UBE4B: variants seen among roughly 807,000 people sequenced by gnomAD.
UBE4B encodes ubiquitination factor E4B.
In UBE4B, 27 loss-of-function variants were observed where a neutral mutation model predicts 148.1. That is an observed-to-expected ratio of 0.18 (90% CI 0.13 to 0.25). The LOEUF (loss-of-function observed/expected upper bound fraction) is 0.25, where lower values mean the gene tolerates loss of function less well. Among genes scored for constraint, UBE4B ranks in the 10% least tolerant of loss-of-function variants. The pLI, the probability that UBE4B is intolerant of heterozygous loss-of-function variation, is 1.00. For missense variants in UBE4B, 1,170 were observed against 1,662.4 expected (o/e 0.70, Z 5.15); for synonymous variants, 596 against 619.3 (o/e 0.96, Z 0.56).
At chr1:10,086,412 T>C (rs1415426335) in intron 2 of UBE4B, among the ~76,000 whole-genome samples, 1 of 152,080 alleles carries the variant, frequency 6.6e-6, no homozygotes, top group African/African-American at 2.4e-5. Context: ...AATGTATTCT[T>C]AGTTATCAGG....
In UBE4B at chr1:10,130,530, T is replaced by C; in HGVS notation, c.1726T>C (p.Ser576Pro). Residue 576 changes from serine to proline, a missense_variant, in exon 13 of 28, where the codon TCC becomes CCC. By Grantham distance (74) the Ser-to-Pro change is moderately conservative. Transcript: ENST00000343090. Reference protein sequence around the residue: ...VASLRLWLPKSLSPGCGRELQ... With the variant: ...VASLRLWLPKPLSPGCGRELQ... ...TTCTTTGCGGTTGTGGTTGCCGAAA[T>C]CCTTAAGTCCTGGCTGTGGGCGGGA... 6.2e-7 allele frequency: 1 copy of C among 1,614,188 alleles called. No individual in the cohort carries two copies. The highest frequency in any genetic ancestry group is 8.5e-7 in the Non-Finnish European group (1 of 1,180,032).
chr1:10,078,731 T>TC (rs1223638760), intron 2 of UBE4B, among the ~76,000 whole-genome samples: 4 of 152,184 alleles, frequency 2.6e-5, no homozygotes, highest in Admixed American at 1.3e-4. Context: ...CCCCAACAGA[T>TC]CCTTTATCAA....
At chr1:10,094,648 A>G (rs546967922) in intron 2 of UBE4B, among the ~76,000 whole-genome samples, 1 of 151,662 alleles carries the variant, frequency 6.6e-6, no homozygotes, top group Non-Finnish European at 1.5e-5. Context: ...GTTAGCCAGG[A>G]TGGTCTCAAT....
At chr1:10,046,115 G>A (rs896948057) in intron 1 of UBE4B, among the ~76,000 whole-genome samples, 2 of 152,124 alleles carry the variant, frequency 1.3e-5, no homozygotes, top group Non-Finnish European at 2.9e-5. Context: ...GGGAGGGGAG[G>A]TCATGTGCCT....
At chr1:10,101,083 G>A (rs900680116) in intron 3 of UBE4B, 25 bp from the exon 4 acceptor site, 2 of 1,605,692 alleles carry the variant, frequency 1.2e-6, no homozygotes, top group Admixed American at 3.3e-5. Flanking sequence ...AAGGTAAAAG[G>A]CTTGTTTGTC....
intron 2 of UBE4B, among the ~76,000 whole-genome samples, chr1:10,095,196 G>A (rs1318070426): frequency 6.6e-6 from 1 of 152,170 alleles, no homozygotes; most frequent in Non-Finnish European, 1.5e-5. Flanking sequence ...GTGCAAGAGA[G>A]GTGATGAGGG....
chr1:10,038,553 A>T (rs1424922423), intron 1 of UBE4B, among the ~76,000 whole-genome samples: 1 of 152,170 alleles, frequency 6.6e-6, no homozygotes, highest in Non-Finnish European at 1.5e-5. Flanking sequence ...CTTAGAAGTG[A>T]TGGGGTTGGA....
intron 18 of UBE4B, among the ~76,000 whole-genome samples, chr1:10,146,709 G>T (rs1024710830): frequency 5.3e-5 from 8 of 152,020 alleles, no homozygotes; most frequent in Admixed American, 3.3e-4. Flanking sequence ...ACTTGTGACT[G>T]TTGGAACTCA....
chr1:10,138,299 G>A (rs879886032), intron 17 of UBE4B, among the ~76,000 whole-genome samples: 14 of 151,732 alleles, frequency 9.2e-5, no homozygotes, highest in African/African-American at 2.4e-4. Flanking sequence ...GGGTTTCACC[G>A]TGTTAGCCAG....
Position 10,095,568 on chromosome 1 carries a change from G to A in UBE4B, c.319G>A (p.Asp107Asn), listed in dbSNP as rs1252567995. Reference sequence around the variant, plus strand: ...GTCTCTCTCACGTTCCCAGAGCATGGATATCGATGGTGTCTCATGTGAGAA... The same window carrying A: ...GTCTCTCTCACGTTCCCAGAGCATGAATATCGATGGTGTCTCATGTGAGAA... ...SQSLSRSQSMDIDGVSCEKSM... is the reference protein window; with the variant it reads ...SQSLSRSQSMNIDGVSCEKSM... Residue 107 changes from aspartate to asparagine, a missense_variant, in exon 3 of 28, where the codon GAT becomes AAT. By Grantham distance (23) the Asp-to-Asn change is conservative. Transcript: ENST00000343090. 2.5e-6 allele frequency: 4 copies of A among 1,613,952 alleles called. No individual in the cohort carries two copies. The highest frequency in any genetic ancestry group is 3.4e-6 in the Non-Finnish European group (4 of 1,180,016).
At chr1:10,118,659 C>T (rs1208593562) in intron 8 of UBE4B, among the ~76,000 whole-genome samples, 2 of 151,760 alleles carry the variant, frequency 1.3e-5, no homozygotes, top group African/African-American at 4.8e-5. Flanking sequence ...CATGAGCCAC[C>T]ATGCCCGGCT....
chr1:10,158,959 G>A (rs1012054214), intron 22 of UBE4B, among the ~76,000 whole-genome samples: 11 of 150,086 alleles, frequency 7.3e-5, no homozygotes, highest in Non-Finnish European at 1.6e-4. Context: ...GCAGTGAGCC[G>A]AGATTGTGCC....
At chr1:10,143,634 G>T (rs1447581074) in intron 17 of UBE4B, among the ~76,000 whole-genome samples, 1 of 152,118 alleles carries the variant, frequency 6.6e-6, no homozygotes, top group African/African-American at 2.4e-5. Flanking sequence ...AGGTTCCCTC[G>T]AAGGATTCGG....
chr1:10,161,999 CTT>C lies in UBE4B; in HGVS notation c.3198+728_3198+729del, dbSNP rs764089127. Among the ~76,000 whole-genome samples, 15 of 137,204 alleles carry C rather than the reference CTT, an allele frequency of 1.1e-4. No individual in the cohort carries two copies. The highest frequency in any genetic ancestry group is 2.9e-4 in the Admixed American group (4 of 13,644). 90.0% of individuals were successfully genotyped at this position (137,204 alleles called of 152,430 possible). ...GGGGACTGCTTTTTCTTCACTTTTT[CTT>C]TTTTTTTTTTTTTTGAGACGGAGTT... On this transcript the variant is annotated intron_variant, in intron 23 of 27. Coordinates refer to ENST00000343090, the MANE Select transcript of UBE4B (RefSeq NM_001105562.3). This position sits in a 1 kb window ranked among gnomAD's most constrained non-coding sequence, Gnocchi z 4.1.
chr1:10,127,453 ATGT>A (rs1645520577), intron 11 of UBE4B, among the ~76,000 whole-genome samples: 1 of 152,222 alleles, frequency 6.6e-6, no homozygotes, highest in African/African-American at 2.4e-5. Flanking sequence ...GGAGGCTTGA[ATGT>A]TGTGAAAATG....
At chr1:10,179,306 TTTGA>T in intron 26 of UBE4B, 106 bp from the exon 27 acceptor site, 2 of 1,432,832 alleles carry the variant, frequency 1.4e-6, no homozygotes, top group Non-Finnish European at 1.9e-6. Context: ...ACAGGGGCCC[TTTGA>T]TTGCTGTTCC....
At chr1:10,062,122 A>G (rs1300441443) in intron 1 of UBE4B, among the ~76,000 whole-genome samples, 1 of 151,156 alleles carries the variant, frequency 6.6e-6, no homozygotes, top group African/African-American at 2.4e-5. Context: ...GTTGGCCAGG[A>G]TGGTCTCGAT....
intron 3 of UBE4B, 65 bp downstream of exon 3, chr1:10,095,661 T>C (rs1644918947): frequency 6.3e-7 from 1 of 1,598,938 alleles, no homozygotes. Flanking sequence ...CCATTCACTT[T>C]AGCCTCTAGT....
At chr1:10,166,726 C>A (rs935669237) in intron 23 of UBE4B, among the ~76,000 whole-genome samples, 1 of 152,016 alleles carries the variant, frequency 6.6e-6, no homozygotes, top group African/African-American at 2.4e-5. Context: ...GAGTTCAAGA[C>A]CAGCCTGGCC....
Sources: gnomAD v4.1 joint callset for allele counts (sites outside exome capture counted in the v4.1 genomes callset) on GRCh38, gnomAD v4.1.1 for gene constraint, Gnocchi (gnomAD v3.1) non-coding constraint, MANE v1.5 for transcripts, NCBI Gene and HGNC (gene_info 2026-07-23, HGNC 2026-07-21) for gene names.